Variants in SLC35F4 observed in about 807,000 individuals in gnomAD.
SLC35F4 encodes the protein solute carrier family 35 member F4.
SLC35F4 carries 24 observed loss-of-function variants against 44.2 expected under a neutral mutation model. The ratio of observed to expected loss-of-function variants is 0.54; its 90% CI spans 0.39 to 0.76. The LOEUF is 0.76. SLC35F4 is among the 30% of genes least tolerant of loss of function. The pLI is 0.00. For synonymous variants in SLC35F4, 238 were observed against 223.6 expected (o/e 1.06, Z -0.57); for missense variants, 562 against 586.1 (o/e 0.96, Z 0.42).
At chr14:57,864,597 G>A (rs9323319) in intron 1 of SLC35F4, among the ~76,000 whole-genome samples, 11,560 of 152,168 alleles carry the variant, frequency 0.076, 617 homozygotes, top group African/African-American at 0.15. Flanking sequence ...TCTTTGTGCC[G>A]GAATTTTTGT....
intron 1 of SLC35F4, among the ~76,000 whole-genome samples, chr14:57,789,680 A>G (rs2077863783): frequency 5.9e-5 from 9 of 152,246 alleles, no homozygotes; most frequent in Admixed American, 5.9e-4. Context: ...AAAACCTGGC[A>G]GAGACACAAC....
At chr14:57,724,657 C>T (rs1014930129) in intron 1 of SLC35F4, among the ~76,000 whole-genome samples, 4 of 152,194 alleles carry the variant, frequency 2.6e-5, no homozygotes, top group African/African-American at 4.8e-5. Context: ...CATTCTCCCC[C>T]CCAGCCTGCA....
chr14:57,918,135 T>C (rs1428318184), intron 1 of SLC35F4, among the ~76,000 whole-genome samples: 1 of 152,240 alleles, frequency 6.6e-6, no homozygotes, highest in Non-Finnish European at 1.5e-5. Flanking sequence ...AAATGGTTGC[T>C]TTCCCTCTGC....
At chr14:57,897,263 C>T (rs1361398799) in intron 1 of SLC35F4, among the ~76,000 whole-genome samples, 1 of 152,078 alleles carries the variant, frequency 6.6e-6, no homozygotes, top group Non-Finnish European at 1.5e-5. Flanking sequence ...AGGGTTAAAG[C>T]TCCTTAGCAT....
chr14:57,914,800 A>G (rs528830424), intron 1 of SLC35F4, among the ~76,000 whole-genome samples: 30 of 152,166 alleles, frequency 2.0e-4, no homozygotes, highest in Middle Eastern at 3.4e-3. Context: ...CCCTGCCCCT[A>G]TGGCTTTACT....
At chr14:57,699,112 T>C (rs79275095) in intron 1 of SLC35F4, among the ~76,000 whole-genome samples, 22,663 of 152,168 alleles carry the variant, frequency 0.15, 1,917 homozygotes, top group East Asian at 0.29. Flanking sequence ...ATAGACCATA[T>C]AGACATTTTA....
chr14:57,740,247 T>C (rs1326427034), intron 1 of SLC35F4, among the ~76,000 whole-genome samples: 2 of 152,218 alleles, frequency 1.3e-5, no homozygotes, highest in African/African-American at 2.4e-5. Context: ...ACTCTGTTTT[T>C]TTAAGTGATT....
chr14:57,859,392 T>C (rs760463125), intron 1 of SLC35F4, among the ~76,000 whole-genome samples: 14 of 152,320 alleles, frequency 9.2e-5, no homozygotes, highest in Non-Finnish European at 7.3e-5. Context: ...ACACTAATCA[T>C]CTCTGGTAGT....
intron 1 of SLC35F4, among the ~76,000 whole-genome samples, chr14:57,689,315 T>C (rs1244260802): frequency 6.6e-6 from 1 of 152,178 alleles, no homozygotes; most frequent in African/African-American, 2.4e-5. Context: ...TAATTTCTTC[T>C]GGAGTCTATC....
chr14:57,982,687 G>A (rs1881415869), upstream of SLC35F4, among the ~76,000 whole-genome samples: 1 of 152,058 alleles, frequency 6.6e-6, no homozygotes, highest in Admixed American at 6.5e-5. Flanking sequence ...CTCACAGCCT[G>A]CACTCTTCTA....
rs533756883 is a variant in SLC35F4 at position 57,788,452 on chromosome 14, C to A, written c.103+77271G>T. ...TATACAGAACATTTCATCCAACAAC[C>A]ACAGAATACACATTCTATTAAACAG... On this transcript the variant is annotated intron_variant, in intron 1 of 7. Coordinates refer to ENST00000556826, the MANE Select transcript of SLC35F4 (RefSeq NM_001306087.2). 2.6e-5 allele frequency among the ~76,000 whole-genome samples: 4 copies of A among 152,132 alleles called. No individual in the cohort carries two copies. In the South Asian group the frequency reaches 8.3e-4, roughly 32 times the overall value.
chr14:57,566,747 C>T (rs750444815), intron 6 of SLC35F4, among the ~76,000 whole-genome samples, 183 bp from the exon 7 acceptor site: 66 of 152,056 alleles, frequency 4.3e-4, no homozygotes, highest in Non-Finnish European at 8.2e-4. Context: ...TTCTTCTTTC[C>T]TCGTCTGCCA....
At position 57,644,419 on chromosome 14, in the gene SLC35F4, T is replaced by C. The variant is rs544120220; in HGVS notation, c.104-50295A>G. On this transcript the variant is annotated intron_variant, in intron 1 of 7. Coordinates refer to ENST00000556826, the MANE Select transcript of SLC35F4 (RefSeq NM_001306087.2). ...TTTTTGGCAGCATAAATATCTTCTT[T>C]TGAGAAGTGTCTGTTCATATCCTTT... Among the ~76,000 whole-genome samples the C allele has an allele frequency of 2.0e-5, 3 of 152,234 alleles. No homozygotes were observed. The South Asian group carries it at 6.2e-4, about 32-fold the overall frequency.
intron 1 of SLC35F4, among the ~76,000 whole-genome samples, chr14:57,954,091 T>G (rs552243956): frequency 8.5e-5 from 13 of 152,280 alleles, no homozygotes; most frequent in Admixed American, 2.6e-4. Flanking sequence ...CAGACCACAG[T>G]GCAATCAAAC....
At chr14:57,749,874 G>A (rs2076842246) in intron 1 of SLC35F4, among the ~76,000 whole-genome samples, 1 of 152,136 alleles carries the variant, frequency 6.6e-6, no homozygotes. Context: ...ACTTGCAGTG[G>A]CCATCTCTAT....
intron 1 of SLC35F4, among the ~76,000 whole-genome samples, chr14:57,822,896 G>A (rs1027512437): frequency 6.6e-6 from 1 of 152,092 alleles, no homozygotes; most frequent in African/African-American, 2.4e-5. Context: ...TCCAGGGCCT[G>A]ATCTCTTCTG....
chr14:57,712,087 T>C (rs1434201181), intron 1 of SLC35F4, among the ~76,000 whole-genome samples: 1 of 152,208 alleles, frequency 6.6e-6, no homozygotes, highest in East Asian at 1.9e-4. Flanking sequence ...TACTATACAT[T>C]GAAAGGTTGC....
chr14:57,817,951 C>A (rs1882784190), intron 1 of SLC35F4, among the ~76,000 whole-genome samples: 1 of 152,044 alleles, frequency 6.6e-6, no homozygotes, highest in Non-Finnish European at 1.5e-5. Context: ...TTCATTAAAG[C>A]AATAGGGAAT....
intron 1 of SLC35F4, among the ~76,000 whole-genome samples, chr14:57,969,245 C>G (rs1034715254): frequency 6.6e-6 from 1 of 152,146 alleles, no homozygotes; most frequent in Non-Finnish European, 1.5e-5. Flanking sequence ...TTTACCACAA[C>G]CTTAGAAAAT....
Sources: gnomAD v4.1 joint callset for allele counts (sites outside exome capture counted in the v4.1 genomes callset) on GRCh38, gnomAD v4.1.1 for gene constraint, MANE v1.5 for transcripts, NCBI Gene and HGNC (gene_info 2026-07-23, HGNC 2026-07-21) for gene names.